Variants in SLC24A2 observed in about 807,000 individuals in gnomAD.
The protein encoded by SLC24A2 is sodium/potassium/calcium exchanger 2.
A neutral mutation model predicts 62.0 loss-of-function variants in SLC24A2; 36 were observed. The observed-to-expected ratio is 0.58, with a 90% CI of 0.44 to 0.77. SLC24A2 has a LOEUF of 0.77. Among genes scored for constraint, SLC24A2 ranks in the 30% least tolerant of loss-of-function variants. The probability of loss-of-function intolerance (pLI) is 0.00; values close to 1 mark genes in which losing one functional copy is unlikely to be tolerated. For missense variants in SLC24A2, 846 were observed against 817.9 expected (o/e 1.03, Z -0.42); for synonymous variants, 358 against 294.0 (o/e 1.22, Z -2.23).
chr9:20,233,841 G>A, the SLC24A2 span, among the ~76,000 whole-genome samples: 1,020 of 152,242 alleles, frequency 6.7e-3, 12 homozygotes, highest in African/African-American at 0.022. Context: ...TTACAATTTG[G>A]CATGTTTTTG....
At chr9:19,646,066 C>T (rs1249699992) in intron 2 of SLC24A2, among the ~76,000 whole-genome samples, 3 of 152,128 alleles carry the variant, frequency 2.0e-5, no homozygotes, top group Non-Finnish European at 4.4e-5. Flanking sequence ...GGACAATGCA[C>T]ATCAAATCAC....
the SLC24A2 span, among the ~76,000 whole-genome samples, chr9:20,059,712 G>A: frequency 2.7e-3 from 403 of 151,974 alleles, 1 homozygote; most frequent in African/African-American, 9.4e-3. Context: ...AAGATCTCTC[G>A]CAAATTGAGA....
At chr9:19,713,608 T>A (rs1820777217) in intron 2 of SLC24A2, among the ~76,000 whole-genome samples, 1 of 132,550 alleles carries the variant, frequency 7.5e-6, no homozygotes, top group Non-Finnish European at 1.7e-5. Context: ...CTTTTGATAA[T>A]GAGAAGAAGT....
chr9:19,840,506 A>G, the SLC24A2 span, among the ~76,000 whole-genome samples: 1 of 152,146 alleles, frequency 6.6e-6, no homozygotes, highest in African/African-American at 2.4e-5. Context: ...TTATGACTTG[A>G]TTTCTGGGGA....
chr9:19,923,993 C>G, the SLC24A2 span, among the ~76,000 whole-genome samples: 28 of 152,158 alleles, frequency 1.8e-4, no homozygotes, highest in Non-Finnish European at 3.5e-4. Flanking sequence ...CCTGCCTCGG[C>G]CTCCCAAACG....
chr9:20,228,918 C>T, the SLC24A2 span, among the ~76,000 whole-genome samples: 2 of 152,170 alleles, frequency 1.3e-5, no homozygotes, highest in East Asian at 3.9e-4. Flanking sequence ...GATGCAGATT[C>T]TTCTAGGAGT....
chr9:19,707,906 G>A (rs1295999439), intron 2 of SLC24A2, among the ~76,000 whole-genome samples: 1 of 152,110 alleles, frequency 6.6e-6, no homozygotes, highest in Non-Finnish European at 1.5e-5. Flanking sequence ...TCTGGCCAGG[G>A]CAATTAGGCA....
chr9:19,743,807 C>T (rs535365058), intron 2 of SLC24A2, among the ~76,000 whole-genome samples: 13 of 152,206 alleles, frequency 8.5e-5, no homozygotes, highest in South Asian at 8.3e-4. Flanking sequence ...CAATTCTTGG[C>T]ACTATAGATA....
the SLC24A2 span, among the ~76,000 whole-genome samples, chr9:20,229,214 G>C: frequency 6.6e-6 from 1 of 152,140 alleles, no homozygotes; most frequent in South Asian, 2.1e-4. Flanking sequence ...GCTCAGTGAA[G>C]ACAGGTTATG....
chr9:19,843,721 C>G, the SLC24A2 span, among the ~76,000 whole-genome samples: 1 of 152,020 alleles, frequency 6.6e-6, no homozygotes, highest in Non-Finnish European at 1.5e-5. Flanking sequence ...TTGTTGCCAT[C>G]TTTATGTCCA....
intron 7 of SLC24A2, among the ~76,000 whole-genome samples, chr9:19,562,693 G>A (rs1835463838): frequency 6.6e-6 from 1 of 152,174 alleles, no homozygotes; most frequent in African/African-American, 2.4e-5. Context: ...GCCAAGGCCT[G>A]GTCAGTAAAA....
chr9:20,265,554 C>T, the SLC24A2 span, among the ~76,000 whole-genome samples: 1 of 152,242 alleles, frequency 6.6e-6, no homozygotes, highest in Non-Finnish European at 1.5e-5. Flanking sequence ...ACTTTAATCT[C>T]TTAATCCTGT....
chr9:19,786,185 T>C lies in SLC24A2; in HGVS notation c.682A>G (p.Arg228Gly). 1.9e-6 allele frequency: 3 copies of C among 1,614,034 alleles called. No individual in the cohort carries two copies. The highest frequency in any genetic ancestry group is 2.5e-6 in the Non-Finnish European group (3 of 1,179,918). ...CACCATGTCAGGTTTAAGATTTCTC[T>C]AGAAAACAGAGCACACATGCCAATA... ...FVIGMCALFS[R>G]EILNLTWWPL... Residue 228 changes from arginine to glycine, a missense_variant, in exon 2 of 11, where the codon AGA becomes GGA. By Grantham distance (125) the Arg-to-Gly change is moderately radical (BLOSUM62 -2). Transcript: ENST00000341998. The surrounding 1 kb of genome is among the most constrained non-coding windows in gnomAD (Gnocchi z 5.0).
the SLC24A2 span, among the ~76,000 whole-genome samples, chr9:20,219,652 C>T: frequency 6.6e-6 from 1 of 152,134 alleles, no homozygotes; most frequent in Non-Finnish European, 1.5e-5. Context: ...ACCGTTGGCA[C>T]AGGATAATTA....
In SLC24A2 at chr9:19,517,790, A is replaced by AG. The variant is rs535722996; in HGVS notation, c.1737-1389dup. Among the ~76,000 whole-genome samples the AG allele has an allele frequency of 2.0e-5, 3 of 152,080 alleles. No homozygotes were observed. The South Asian group carries it at 6.3e-4, about 32-fold the overall frequency. ...CAGCAATGAAAAGTCAGAAAATGGA[A>AG]GGGGAGTGCCTGAGAGTGGGGGTGA... is the stretch of plus-strand genomic sequence containing the variant. On this transcript the variant is annotated intron_variant, in intron 10 of 10. Coordinates refer to ENST00000341998, the MANE Select transcript of SLC24A2 (RefSeq NM_020344.4).
At chr9:19,772,514 A>C (rs1449732015) in intron 2 of SLC24A2, among the ~76,000 whole-genome samples, 2 of 152,206 alleles carry the variant, frequency 1.3e-5, no homozygotes, top group Non-Finnish European at 2.9e-5. Context: ...AGGAACTCTG[A>C]AACTCAATAA....
At chr9:19,549,634 G>A (rs1834745089) in intron 8 of SLC24A2, among the ~76,000 whole-genome samples, 2 of 152,192 alleles carry the variant, frequency 1.3e-5, no homozygotes, top group Admixed American at 6.5e-5. Context: ...TCCCAGCTGA[G>A]CCTAACCTTT....
At chr9:20,102,804 G>A in the SLC24A2 span, among the ~76,000 whole-genome samples, 2 of 152,082 alleles carry the variant, frequency 1.3e-5, no homozygotes, top group African/African-American at 4.8e-5. Flanking sequence ...TTCCATCTCA[G>A]GTACTGAGTT....
intron 8 of SLC24A2, among the ~76,000 whole-genome samples, chr9:19,546,891 C>T (rs1304901628): frequency 6.6e-6 from 1 of 152,198 alleles, no homozygotes; most frequent in Non-Finnish European, 1.5e-5. Flanking sequence ...CCAGAGTGCA[C>T]TGTTCCTCAT....
Sources: gnomAD v4.1 joint callset for allele counts (sites outside exome capture counted in the v4.1 genomes callset) on GRCh38, gnomAD v4.1.1 for gene constraint, Gnocchi (gnomAD v3.1) non-coding constraint, MANE v1.5 for transcripts, NCBI Gene and HGNC (gene_info 2026-07-23, HGNC 2026-07-21) for gene names.